FOXN4: variants seen among roughly 807,000 people sequenced by gnomAD.
FOXN4 encodes the protein forkhead box protein N4.
FOXN4 carries 12 observed loss-of-function variants against 45.0 expected under a neutral mutation model. The observed-to-expected ratio is 0.27, with a 90% CI of 0.17 to 0.43. The LOEUF (loss-of-function observed/expected upper bound fraction) is 0.43. Among genes scored for constraint, FOXN4 ranks in the 20% least tolerant of loss-of-function variants. The pLI is 1.00. For synonymous variants in FOXN4, 297 were observed against 295.0 expected (o/e 1.01, Z -0.07); for missense variants, 560 against 694.9 (o/e 0.81, Z 2.18).
At chr12:109,305,580 A>AC (rs1182787491) in intron 2 of FOXN4, among the ~76,000 whole-genome samples, 1 of 152,072 alleles carries the variant, frequency 6.6e-6, no homozygotes, top group African/African-American at 2.4e-5. Context: ...AAAATAAAAA[A>AC]TTAGCCAGGC....
rs1228925794 is a variant in FOXN4, at chr12:109,304,290, A to G, written c.86+3946T>C. Among the ~76,000 whole-genome samples, 87 of 53,526 alleles carry G rather than the reference A, an allele frequency of 1.6e-3. 1 individual carries two copies. Among genetic ancestry groups the G allele is most frequent in the African/African-American group, 6.0e-3 (78 of 12,900 alleles). The allele number at this position is 53,526 out of a possible 152,430, so 35.1% of individuals were successfully genotyped here. A position where few individuals can be genotyped will look rare whatever the true frequency, so the allele number is the denominator to read the frequency against. On this transcript the variant is annotated intron_variant, in intron 2 of 9. Transcript: ENST00000299162. The stretch of plus-strand genomic sequence containing the variant: ...AAGAAAGAAAGAAAGAAAGAAAGAA[A>G]GAAAGGAGAAAGAAAGAAGGAAAGA...
rs1350505906 is a variant in FOXN4 at position 109,286,666 on chromosome 12, C to T, written c.675G>A (p.Glu225=). ...PVSEIYSFMK[E]HFPYFKTAPD... Reference sequence around the variant, plus strand: ...GACTCACCTTGAAGTAGGGGAAGTGCTCCTTCATGAAGCTGTAGATCTCGC... The same window carrying T: ...GACTCACCTTGAAGTAGGGGAAGTGTTCCTTCATGAAGCTGTAGATCTCGC... The change falls in exon 7 of 10, where the codon GAG becomes GAA. Residue 225 remains glutamate (E), a synonymous_variant. Coordinates refer to ENST00000299162, the MANE Select transcript of FOXN4 (RefSeq NM_213596.3). 6.2e-7 allele frequency: 1 copy of T among 1,610,190 alleles called. No individual in the cohort carries two copies.
Position 109,281,929 on chromosome 12 carries a change from T to C in FOXN4, c.902-130A>G, listed in dbSNP as rs2047657563. The C allele has an allele frequency of 7.6e-6, 8 of 1,055,290 alleles. No individual in the cohort carries two copies. In the Admixed American group the frequency reaches 1.2e-4, roughly 16 times the overall value. The allele number at this position is 1,055,290 out of a possible 1,614,324, so 65.4% of individuals were successfully genotyped here. A position where few individuals can be genotyped will look rare whatever the true frequency, so the allele number is the denominator to read the frequency against. On this transcript the variant is annotated intron_variant, in intron 8 of 9. Coordinates refer to ENST00000299162, the MANE Select transcript of FOXN4 (RefSeq NM_213596.3). Reference sequence around the variant, plus strand: ...AAGCCTCTTGGACACTCAGAACCTCTGTCTCCTCACCTATGAAATGACACA... The same window carrying C: ...AAGCCTCTTGGACACTCAGAACCTCCGTCTCCTCACCTATGAAATGACACA...
At chr12:109,289,458 C>T (rs778428788) in intron 3 of FOXN4, among the ~76,000 whole-genome samples, 14 of 152,172 alleles carry the variant, frequency 9.2e-5, no homozygotes, top group Non-Finnish European at 1.8e-4. Flanking sequence ...ACGATTTGCC[C>T]AATGAAATAA....
rs34524845 is a variant in FOXN4 at position 109,285,272 on chromosome 12, T to TGCGC, written c.901+31_901+32insGCGC. The stretch of plus-strand genomic sequence containing the variant: ...GTGTGTGTGTGTGTGTGTGTGTGTG[T>TGCGC]GTGCGCGCACTGCGGGCTGTCCGGC... On this transcript the variant is annotated intron_variant, in intron 8 of 9. Coordinates refer to ENST00000299162, the MANE Select transcript of FOXN4 (RefSeq NM_213596.3). The TGCGC allele has an allele frequency of 1.8e-5, 27 of 1,502,844 alleles. No individual in the cohort carries two copies. The South Asian group carries it at 2.2e-4, about 12-fold the overall frequency. The allele number at this position is 1,502,844 out of a possible 1,614,324, so 93.1% of individuals were successfully genotyped here.
Position 109,279,785 on chromosome 12 carries a change from C to G in FOXN4, c.1440G>C (p.Gln480His), listed in dbSNP as rs141463777. ...GGSDQSFPDL[Q>H]VTGLYTAYST... is the part of the protein sequence containing the mutation. Reference sequence around the variant, plus strand: ...AGTACGCTGTGTAGAGACCCGTCACCTGCAAGTCTGGGAAGGACTGGTCGC... The same window carrying G: ...AGTACGCTGTGTAGAGACCCGTCACGTGCAAGTCTGGGAAGGACTGGTCGC... Residue 480 changes from glutamine to histidine, a missense_variant, in exon 10 of 10, where the codon CAG (glutamine) becomes CAC (histidine). Coordinates refer to ENST00000299162, the MANE Select transcript of FOXN4 (RefSeq NM_213596.3). 3.1e-5 allele frequency: 50 copies of G among 1,607,098 alleles called. No individual in the cohort carries two copies. In the African/African-American group the frequency reaches 4.7e-4, roughly 15 times the overall value.
rs1340354189 is a variant in FOXN4, at chr12:109,308,126, AC to A, written c.86+109del. The A allele has an allele frequency of 7.0e-5, 63 of 896,118 alleles. 1 individual carries two copies. The highest frequency in any genetic ancestry group is 2.0e-4 in the South Asian group (9 of 44,252). The allele number at this position is 896,118 out of a possible 1,614,324, so 55.5% of individuals were successfully genotyped here. ...ACTTTCCAGCTCTCCCGCAAAAATC[AC>A]AGAATTGAACATAACAATAGTTCTT... On this transcript the variant is annotated intron_variant, in intron 2 of 9. Coordinates refer to ENST00000299162, the MANE Select transcript of FOXN4 (RefSeq NM_213596.3).
Position 109,279,487 on chromosome 12 carries a change from G to A in FOXN4, c.*184C>T. On this transcript the variant is annotated 3_prime_UTR_variant, in exon 10 of 10. Transcript: ENST00000299162. ...CAGAAACTGCTCCGGAAGCTCCAGG[G>A]GGAGGCACGAGAAGGAGAGGGGCTG... is the stretch of plus-strand genomic sequence containing the variant. 1.2e-6 allele frequency: 1 copy of A among 851,170 alleles called. No homozygotes were observed. The highest frequency in any genetic ancestry group is 1.8e-6 in the Non-Finnish European group (1 of 564,936). The allele number at this position is 851,170 out of a possible 1,614,324, so 52.7% of individuals were successfully genotyped here.
intron 9 of FOXN4, among the ~76,000 whole-genome samples, chr12:109,280,882 T>C (rs2047646245): frequency 6.6e-6 from 1 of 152,198 alleles, no homozygotes. Flanking sequence ...GAGTGTGACC[T>C]GGCATGGGGC....
At position 109,287,865 on chromosome 12, in the gene FOXN4, C is replaced by G; in HGVS notation, c.447G>C (p.Pro149=). 1 of 1,550,172 alleles carries G rather than the reference C, an allele frequency of 6.5e-7. No homozygotes were observed. The highest frequency in any genetic ancestry group is 8.7e-7 in the Non-Finnish European group (1 of 1,146,756). ...LYSPATQPQF[P]LPPGAQQCPP... is the part of the protein sequence containing the mutation. ...GTACCTGCTGGGCACCCGGGGGGAG[C>G]GGGAACTGTGGTTGGGTGGCAGGTG... The change falls in exon 5 of 10, where the codon CCG becomes CCC. Residue 149 remains proline, a synonymous_variant. Transcript: ENST00000299162. The surrounding 1 kb of genome is among the most constrained non-coding windows in gnomAD (Gnocchi z 4.1).
At chr12:109,301,658 G>C (rs1056230086) in intron 2 of FOXN4, among the ~76,000 whole-genome samples, 4 of 152,222 alleles carry the variant, frequency 2.6e-5, no homozygotes, top group Non-Finnish European at 5.9e-5. Flanking sequence ...TCCTGCAAGA[G>C]GCCCTCCCAG....
rs958858435 is a variant in FOXN4 at position 109,291,782 on chromosome 12, G to A, written c.87-1496C>T. On this transcript the variant is annotated intron_variant, in intron 2 of 9. Coordinates refer to ENST00000299162, the MANE Select transcript of FOXN4 (RefSeq NM_213596.3). The surrounding 1 kb of genome is among the most constrained non-coding windows in gnomAD (Gnocchi z 6.6). ...GGGCCTGGAAACGATTTGAAAACGC[G>A]GCCGGCCGGCCGTGTCAGTGGCAGC... is the stretch of plus-strand genomic sequence containing the variant. 3.3e-5 allele frequency among the ~76,000 whole-genome samples: 5 copies of A among 152,046 alleles called. No individual in the cohort carries two copies. The highest frequency in any genetic ancestry group is 7.4e-5 in the Non-Finnish European group (5 of 68,002).
rs148104412 is a variant in FOXN4 at position 109,284,586 on chromosome 12, C to T, written c.901+718G>A. Among the ~76,000 whole-genome samples, 292 of 147,620 alleles carry T rather than the reference C, an allele frequency of 2.0e-3. 1 individual carries two copies. Among genetic ancestry groups the T allele is most frequent in the African/African-American group, 6.5e-3 (255 of 39,412 alleles). On this transcript the variant is annotated intron_variant, in intron 8 of 9. Transcript: ENST00000299162. ...GTGTGTGCGTGCGTGTGTGTGTGCGCGCTGTGGGCTGTCCGGGCCTCACCA... is the reference window on the plus strand; with the variant it reads ...GTGTGTGCGTGCGTGTGTGTGTGCGTGCTGTGGGCTGTCCGGGCCTCACCA...
rs1267963220 is a variant in FOXN4, at chr12:109,291,619, C to G, written c.87-1333G>C. ...CTCTCTGCTCCTCCCCATCTCTCCC[C>G]TCTTGTGTTTTAGGGCCACAATTAG... On this transcript the variant is annotated intron_variant, in intron 2 of 9. Transcript: ENST00000299162. The surrounding 1 kb of genome is among the most constrained non-coding windows in gnomAD (Gnocchi z 6.6). Among the ~76,000 whole-genome samples, 1 of 152,054 alleles carries G rather than the reference C, an allele frequency of 6.6e-6. No individual in the cohort carries two copies.
In FOXN4 at chr12:109,309,139, G is replaced by T. The variant is rs2047946052; in HGVS notation, c.-24C>A. 1 of 152,226 alleles carries T rather than the reference G, an allele frequency of 6.6e-6. No homozygotes were observed. Among genetic ancestry groups the T allele is most frequent in the Non-Finnish European group, 1.5e-5 (1 of 68,044 alleles). The allele number at this position is 152,226 out of a possible 1,614,324, so 9.4% of individuals were successfully genotyped here. ...GGTACCTGGAGCCGATCCTCGCGGG[G>T]CCGCCGCTGCCGGCGCTCCGGGGGT... is the stretch of plus-strand genomic sequence containing the variant. On this transcript the variant is annotated 5_prime_UTR_variant, in exon 1 of 10. Coordinates refer to ENST00000299162, the MANE Select transcript of FOXN4 (RefSeq NM_213596.3). The surrounding 1 kb of genome is among the most constrained non-coding windows in gnomAD (Gnocchi z 5.0).
At chr12:109,300,314 C>T (rs138472961) in intron 2 of FOXN4, among the ~76,000 whole-genome samples, 92 of 152,224 alleles carry the variant, frequency 6.0e-4, no homozygotes, top group Non-Finnish European at 1.1e-3. Flanking sequence ...TTCTGATTGA[C>T]GCCAGAATGC....
rs116744414 is a variant in FOXN4 at position 109,306,333 on chromosome 12, C to T, written c.86+1903G>A. ...AAGATGAGAAACAAAAGCAAGTCAC[C>T]GGCCCTGCCTAAAGCTGGGCTTTGA... On this transcript the variant is annotated intron_variant, in intron 2 of 9. Coordinates refer to ENST00000299162, the MANE Select transcript of FOXN4 (RefSeq NM_213596.3). Among the ~76,000 whole-genome samples, 442 of 152,280 alleles carry T rather than the reference C, an allele frequency of 2.9e-3. 2 individuals are homozygous for T. Among genetic ancestry groups the T allele is most frequent in the African/African-American group, 9.5e-3 (393 of 41,556 alleles).
chr12:109,281,539 G>T lies in FOXN4; in HGVS notation c.1162C>A (p.Pro388Thr), dbSNP rs1185141312. Residue 388 changes from proline (P) to threonine (T), a missense_variant, in exon 9 of 10, where the codon CCG becomes ACG. Pro to Thr is a conservative substitution (Grantham distance 38). Coordinates refer to ENST00000299162, the MANE Select transcript of FOXN4 (RefSeq NM_213596.3). Reference protein sequence around the residue: ...PAQTPPLHALPDLSPSPLPHP... With the variant: ...PAQTPPLHALTDLSPSPLPHP... Reference sequence around the variant, plus strand: ...GGGAGCGGGCTGGGGCTGAGGTCCGGCAGGGCGTGCAGTGGCGGGGTCTGG... The same window carrying T: ...GGGAGCGGGCTGGGGCTGAGGTCCGTCAGGGCGTGCAGTGGCGGGGTCTGG... 1 of 1,612,896 alleles carries T rather than the reference G, an allele frequency of 6.2e-7. No individual in the cohort carries two copies. The highest frequency in any genetic ancestry group is 1.7e-5 in the Admixed American group (1 of 59,806).
At chr12:109,280,484 G>A (rs894239114) in intron 9 of FOXN4, among the ~76,000 whole-genome samples, 1 of 152,060 alleles carries the variant, frequency 6.6e-6, no homozygotes, top group Non-Finnish European at 1.5e-5. Flanking sequence ...AGTGAACCCA[G>A]CTCCTAAGGC....
Sources: allele counts gnomAD v4.1 joint callset (sites outside exome capture counted in the v4.1 genomes callset), GRCh38; gene constraint gnomAD v4.1.1; non-coding constraint Gnocchi (gnomAD v3.1); transcripts MANE v1.5; gene names NCBI Gene and HGNC (gene_info 2026-07-23, HGNC 2026-07-21).